SNX24: variants seen among roughly 807,000 people sequenced by gnomAD.
SNX24 encodes the protein sorting nexin 24, also known as sorting nexin-24.
A neutral mutation model predicts 28.7 loss-of-function variants in SNX24; 22 were observed. That is an observed-to-expected ratio of 0.77 (90% CI 0.55 to 1.10). The LOEUF (loss-of-function observed/expected upper bound fraction) is 1.10, where lower values mean the gene tolerates loss of function less well. Among genes scored for constraint, SNX24 ranks in the 50% least tolerant of loss-of-function variants. SNX24 has a pLI of 0.00. For synonymous variants in SNX24, 69 were observed against 71.5 expected, an observed-to-expected ratio of 0.96 and a Z score of 0.18; for missense variants, 221 against 201.1, an observed-to-expected ratio of 1.10 and a Z score of -0.60.
chr5:123,012,583 A>G (rs943145079), downstream of SNX24, among the ~76,000 whole-genome samples: 2 of 152,240 alleles, frequency 1.3e-5, no homozygotes, highest in Non-Finnish European at 2.9e-5. Context: ...GCTGGTGGTG[A>G]TCATTGCTTA....
intron 3 of SNX24, among the ~76,000 whole-genome samples, chr5:122,993,168 G>T (rs1761924072): frequency 1.3e-5 from 2 of 152,106 alleles, no homozygotes; most frequent in South Asian, 4.2e-4. Flanking sequence ...CAAGGCACAG[G>T]CTAGACACAT....
chr5:123,028,320 A>G (rs1032816125), intron 5 of SNX24, among the ~76,000 whole-genome samples: 1 of 152,232 alleles, frequency 6.6e-6, no homozygotes, highest in Admixed American at 6.5e-5. Flanking sequence ...AGATTTTGAA[A>G]GAAGGAGGAA....
intron 1 of SNX24, among the ~76,000 whole-genome samples, chr5:122,860,457 C>G (rs562771116): frequency 6.6e-5 from 10 of 152,102 alleles, no homozygotes; most frequent in Non-Finnish European, 1.5e-4. Flanking sequence ...TATTTTTGGG[C>G]CACTCTAAAC....
At chr5:122,964,629 A>G (rs1361741848) in intron 3 of SNX24, among the ~76,000 whole-genome samples, 1 of 152,174 alleles carries the variant, frequency 6.6e-6, no homozygotes, top group Non-Finnish European at 1.5e-5. Context: ...AGGTTTTTAA[A>G]TACTAACTTT....
At chr5:122,912,400 A>G (rs1446724966) in intron 1 of SNX24, among the ~76,000 whole-genome samples, 1 of 151,868 alleles carries the variant, frequency 6.6e-6, no homozygotes. Context: ...TAGATATACA[A>G]TCATGTCATC....
intron 1 of SNX24, among the ~76,000 whole-genome samples, chr5:122,905,549 A>T (rs1036793037): frequency 2.3e-4 from 35 of 152,290 alleles, no homozygotes; most frequent in African/African-American, 8.2e-4. Flanking sequence ...AGTATTTCGG[A>T]TTTCAGATTT....
intron 3 of SNX24, among the ~76,000 whole-genome samples, chr5:122,969,898 C>A (rs936471067): frequency 3.3e-5 from 5 of 152,140 alleles, no homozygotes; most frequent in African/African-American, 1.2e-4. Context: ...CACCACCCAC[C>A]CACCTACCCC....
chr5:122,889,218 A>C (rs1756846320), intron 1 of SNX24, among the ~76,000 whole-genome samples: 1 of 152,184 alleles, frequency 6.6e-6, no homozygotes, highest in African/African-American at 2.4e-5. Flanking sequence ...TGCAAAACTA[A>C]TACAAAGAAT....
intron 1 of SNX24, among the ~76,000 whole-genome samples, chr5:122,855,944 T>C (rs1400076338): frequency 3.9e-5 from 6 of 152,220 alleles, no homozygotes; most frequent in African/African-American, 1.4e-4. Flanking sequence ...ACAACATTTG[T>C]CAGTTAAATT....
At chr5:122,991,823 A>C (rs907731194) in intron 3 of SNX24, among the ~76,000 whole-genome samples, 6 of 152,148 alleles carry the variant, frequency 3.9e-5, no homozygotes, top group African/African-American at 1.4e-4. Flanking sequence ...TGCCTTTCTT[A>C]GTCTGAAAGT....
intron 3 of SNX24, among the ~76,000 whole-genome samples, chr5:122,955,548 GA>G (rs1365587929): frequency 3.3e-5 from 5 of 152,182 alleles, no homozygotes; most frequent in African/African-American, 1.2e-4. Context: ...TCCATCAGGG[GA>G]AGATGGGATG....
At chr5:122,857,120 T>G (rs1316195871) in intron 1 of SNX24, among the ~76,000 whole-genome samples, 1 of 151,930 alleles carries the variant, frequency 6.6e-6, no homozygotes, top group Non-Finnish European at 1.5e-5. Context: ...CAAGCAATGC[T>G]CCCGCCTCAG....
chr5:122,920,508 C>T (rs1440688266), intron 1 of SNX24, among the ~76,000 whole-genome samples: 1 of 152,188 alleles, frequency 6.6e-6, no homozygotes, highest in African/African-American at 2.4e-5. Context: ...AAGTGTGGCA[C>T]ACAGTATGTG....
chr5:122,846,524 A>G (rs1420959530), intron 1 of SNX24, among the ~76,000 whole-genome samples: 1 of 152,244 alleles, frequency 6.6e-6, no homozygotes, highest in East Asian at 1.9e-4. Context: ...GCAGTCTGAA[A>G]GATTTGTTAT....
intron 3 of SNX24, among the ~76,000 whole-genome samples, chr5:122,974,698 TGAATG>T (rs1188328854): frequency 6.7e-6 from 1 of 149,450 alleles, no homozygotes; most frequent in Non-Finnish European, 1.5e-5. Context: ...ATAGGAGAGT[TGAATG>T]GATATGTGGT....
Position 122,884,436 on chromosome 5 carries a change from G to A in SNX24, c.60+38743G>A, listed in dbSNP as rs141892984. Among the ~76,000 whole-genome samples the A allele has an allele frequency of 2.4e-3, 366 of 151,424 alleles. 1 individual carries two copies. The highest frequency in any genetic ancestry group is 8.5e-3 in the African/African-American group (349 of 41,254). ...TAATTTTTGTATTTTTAGTAAAGGT[G>A]GGGTTTCACCATGCTGGCCAGGCTG... On this transcript the variant is annotated intron_variant, in intron 1 of 6. Coordinates refer to ENST00000261369, the MANE Select transcript of SNX24 (RefSeq NM_014035.4).
chr5:122,871,640 T>C (rs2150052113), intron 1 of SNX24, among the ~76,000 whole-genome samples: 1 of 152,064 alleles, frequency 6.6e-6, no homozygotes, highest in East Asian at 1.9e-4. Flanking sequence ...TGTGGTGACA[T>C]GCGCCTGTAA....
At chr5:122,871,884 C>T (rs184957323) in intron 1 of SNX24, among the ~76,000 whole-genome samples, 30 of 152,142 alleles carry the variant, frequency 2.0e-4, no homozygotes, top group African/African-American at 6.7e-4. Context: ...ATTCTGGCAT[C>T]GTGACTAGTC....
intron 3 of SNX24, among the ~76,000 whole-genome samples, chr5:122,988,651 A>G (rs77752425): frequency 3.7e-4 from 56 of 152,320 alleles, no homozygotes; most frequent in African/African-American, 1.3e-3. Context: ...GTTTAACAAA[A>G]CACTCCATTT....
Sources: allele counts gnomAD v4.1 joint callset (sites outside exome capture counted in the v4.1 genomes callset), GRCh38; gene constraint gnomAD v4.1.1; transcripts MANE v1.5; gene names NCBI Gene and HGNC (gene_info 2026-07-23, HGNC 2026-07-21).